CRYBB1: variants seen among roughly 807,000 people sequenced by gnomAD.
CRYBB1 encodes beta-crystallin B1.
A neutral mutation model predicts 29.5 loss-of-function variants in CRYBB1; 16 were observed. That is an observed-to-expected ratio of 0.54 (90% CI 0.37 to 0.82). The LOEUF (loss-of-function observed/expected upper bound fraction) is 0.82, where lower values mean the gene tolerates loss of function less well. Among genes scored for constraint, CRYBB1 ranks in the 40% least tolerant of loss-of-function variants. The pLI, the probability that CRYBB1 is intolerant of heterozygous loss-of-function variation, is 0.00. For synonymous variants in CRYBB1, 127 were observed against 136.7 expected (o/e 0.93, Z 0.49); for missense variants, 300 against 350.5 (o/e 0.86, Z 1.15).
intron 2 of CRYBB1, among the ~76,000 whole-genome samples, chr22:26,615,733 C>G (rs1210306844): frequency 6.6e-6 from 1 of 152,038 alleles, no homozygotes; most frequent in African/African-American, 2.4e-5. Context: ...AGGCTGGTCT[C>G]GAACTCCTGA....
chr22:26,611,759 C>A (rs1929173212), intron 3 of CRYBB1, among the ~76,000 whole-genome samples: 1 of 152,136 alleles, frequency 6.6e-6, no homozygotes, highest in African/African-American at 2.4e-5. Flanking sequence ...CAGGCGTGAG[C>A]CACCGCGCCC....
At chr22:26,601,419 G>C (rs2301439) in intron 5 of CRYBB1, among the ~76,000 whole-genome samples, 2,338 of 152,016 alleles carry the variant, frequency 0.015, 48 homozygotes, top group South Asian at 0.068. Flanking sequence ...AGGTGTTTAG[G>C]CTCACTCGAG....
At chr22:26,603,670 C>G (rs1039964224) in intron 4 of CRYBB1, among the ~76,000 whole-genome samples, 2 of 151,874 alleles carry the variant, frequency 1.3e-5, no homozygotes, top group African/African-American at 4.8e-5. Flanking sequence ...TTTAGGAGGC[C>G]AAGATGGGTG....
intron 2 of CRYBB1, among the ~76,000 whole-genome samples, chr22:26,613,802 G>A (rs548936736): frequency 4.6e-5 from 7 of 152,304 alleles, no homozygotes; most frequent in Non-Finnish European, 8.8e-5. Context: ...AACTCTGACC[G>A]CCAGTGAGCC....
At chr22:26,599,749 C>G in intron 5 of CRYBB1, 76 bp from the exon 6 acceptor site, 1 of 1,162,964 alleles carries the variant, frequency 8.6e-7, no homozygotes, top group Non-Finnish European at 1.3e-6. Context: ...GCCAGACCAG[C>G]CTGTCCTTCA....
chr22:26,611,642 T>TA, intron 3 of CRYBB1, among the ~76,000 whole-genome samples: 1 of 151,668 alleles, frequency 6.6e-6, no homozygotes, highest in Non-Finnish European at 1.5e-5. Flanking sequence ...GCCCGGCTAA[T>TA]TTTTTGTATT....
intron 1 of CRYBB1, among the ~76,000 whole-genome samples, chr22:26,617,440 C>T (rs1929392936): frequency 6.6e-6 from 1 of 152,200 alleles, no homozygotes; most frequent in Non-Finnish European, 1.5e-5. Flanking sequence ...CCAGCCTCCT[C>T]CAGGAAGGCT....
chr22:26,612,986 T>C (rs1249167567), intron 2 of CRYBB1, among the ~76,000 whole-genome samples: 2 of 152,018 alleles, frequency 1.3e-5, no homozygotes, highest in African/African-American at 2.4e-5. Context: ...GGTCTCCCTC[T>C]CTCTCTGCAC....
chr22:26,604,797 G>A (rs981958229), intron 4 of CRYBB1, among the ~76,000 whole-genome samples: 6 of 152,192 alleles, frequency 3.9e-5, no homozygotes, highest in African/African-American at 1.2e-4. Flanking sequence ...ACCAGCCAGT[G>A]GTAAAAGTAC....
At chr22:26,611,602 G>A (rs898999897) in intron 3 of CRYBB1, among the ~76,000 whole-genome samples, 29 of 151,998 alleles carry the variant, frequency 1.9e-4, no homozygotes, top group African/African-American at 6.8e-4. Context: ...AGCCTCCCGA[G>A]TAGCTGGGAC....
intron 3 of CRYBB1, 45 bp downstream of exon 3, chr22:26,612,027 T>C (rs372191445): frequency 4.2e-6 from 6 of 1,421,482 alleles, no homozygotes; most frequent in African/African-American, 1.4e-5. Flanking sequence ...TGTGTGGTCA[T>C]TTTACTGTGG....
intron 3 of CRYBB1, among the ~76,000 whole-genome samples, chr22:26,609,600 T>C (rs1929093444): frequency 6.6e-6 from 1 of 152,126 alleles, no homozygotes; most frequent in Admixed American, 6.6e-5. Context: ...ACATGGTGGG[T>C]ACGTGTGTAT....
intron 2 of CRYBB1, among the ~76,000 whole-genome samples, chr22:26,613,856 G>A (rs1280282474): frequency 6.6e-6 from 1 of 152,200 alleles, no homozygotes; most frequent in African/African-American, 2.4e-5. Context: ...AAGCAAATGG[G>A]AGAAATATCG....
At chr22:26,616,370 ACC>A in intron 1 of CRYBB1, 32 bp from the exon 2 acceptor site, 1 of 1,487,772 alleles carries the variant, frequency 6.7e-7, no homozygotes, top group Non-Finnish European at 9.3e-7. Flanking sequence ...CAGGGATGAC[ACC>A]CCCAAACTGC....
intron 5 of CRYBB1, 25 bp downstream of exon 5, chr22:26,601,854 C>T (rs536115485): frequency 2.0e-5 from 32 of 1,611,536 alleles, no homozygotes; most frequent in Non-Finnish European, 2.3e-5. Flanking sequence ...GCAGGGGACG[C>T]GGACCTGGCA....
intron 5 of CRYBB1, among the ~76,000 whole-genome samples, chr22:26,600,197 C>T (rs996523199): frequency 3.9e-5 from 6 of 152,006 alleles, no homozygotes; most frequent in African/African-American, 1.2e-4. Flanking sequence ...GTCAGGAGAT[C>T]GAGACCATCC....
At chr22:26,615,798 G>C (rs1288573816) in intron 2 of CRYBB1, among the ~76,000 whole-genome samples, 5 of 152,198 alleles carry the variant, frequency 3.3e-5, no homozygotes, top group Admixed American at 6.5e-5. Context: ...ACAGGCATGA[G>C]CCACTGCGCC....
At chr22:26,600,141 C>CAT (rs1249816662) in intron 5 of CRYBB1, among the ~76,000 whole-genome samples, 1 of 152,124 alleles carries the variant, frequency 6.6e-6, no homozygotes, top group Non-Finnish European at 1.5e-5. Flanking sequence ...GTGGCTCAAG[C>CAT]CTGTAATCCC....
intron 1 of CRYBB1, among the ~76,000 whole-genome samples, chr22:26,617,531 C>CA (rs1167140048): frequency 6.6e-6 from 1 of 152,138 alleles, no homozygotes; most frequent in Non-Finnish European, 1.5e-5. Flanking sequence ...AACACTCCCC[C>CA]AGGGCTGGCA....
Sources: gnomAD v4.1 joint callset for allele counts (sites outside exome capture counted in the v4.1 genomes callset) on GRCh38, gnomAD v4.1.1 for gene constraint, MANE v1.5 for transcripts, NCBI Gene and HGNC (gene_info 2026-07-23, HGNC 2026-07-21) for gene names.